PAFAH1B1: variants seen among roughly 807,000 people sequenced by gnomAD.
PAFAH1B1 encodes the protein platelet-activating factor acetylhydrolase IB subunit beta.
PAFAH1B1 carries 2 observed loss-of-function variants against 57.5 expected under a neutral mutation model. The observed-to-expected ratio is 0.03, with a 90% CI of 0.01 to 0.11. The LOEUF (loss-of-function observed/expected upper bound fraction) is 0.11, where lower values mean the gene tolerates loss of function less well. Ranked by LOEUF, PAFAH1B1 falls within the 10% of genes least tolerant of loss-of-function variation. The probability of loss-of-function intolerance (pLI) is 1.00; values close to 1 mark genes in which losing one functional copy is unlikely to be tolerated. For missense variants in PAFAH1B1, 257 were observed against 512.0 expected (o/e 0.50, Z 4.81); for synonymous variants, 152 against 169.6 (o/e 0.90, Z 0.81).
At chr17:2,680,374 C>G in intron 10 of PAFAH1B1, 54 bp downstream of exon 10, 1 of 1,492,034 alleles carries the variant, frequency 6.7e-7, no homozygotes, top group Non-Finnish European at 9.4e-7. Flanking sequence ...GCCAGACAAA[C>G]TGTGTTTTAC....
At chr17:2,603,777 G>C (rs2068172693) in intron 1 of PAFAH1B1, among the ~76,000 whole-genome samples, 1 of 145,820 alleles carries the variant, frequency 6.9e-6, no homozygotes, top group Non-Finnish European at 1.5e-5. Context: ...GTCTCTCTCT[G>C]TCGCCTAGAC....
chr17:2,667,343 A>G (rs1214713342), intron 5 of PAFAH1B1, 145 bp downstream of exon 5: 12 of 658,846 alleles, frequency 1.8e-5, no homozygotes. Context: ...CAAAAAAAAA[A>G]AGCAGACTTA....
intron 1 of PAFAH1B1, among the ~76,000 whole-genome samples, chr17:2,637,739 T>C (rs1159123943): frequency 6.6e-6 from 1 of 152,252 alleles, no homozygotes; most frequent in Non-Finnish European, 1.5e-5. Flanking sequence ...TTTTACCTTT[T>C]ATACCTTTTT....
intron 3 of PAFAH1B1, 102 bp downstream of exon 3, chr17:2,665,558 G>T: frequency 4.1e-6 from 3 of 724,062 alleles, no homozygotes; most frequent in Non-Finnish European, 4.9e-6. Context: ...TTGTTATTGT[G>T]GTCTACTTGG....
chr17:2,670,650 C>T (rs1438979644), intron 6 of PAFAH1B1, among the ~76,000 whole-genome samples: 1 of 152,094 alleles, frequency 6.6e-6, no homozygotes, highest in Non-Finnish European at 1.5e-5. Context: ...AGTTGGGAAA[C>T]TGAAGTCCAG....
chr17:2,625,763 C>T (rs1032606224), intron 1 of PAFAH1B1, among the ~76,000 whole-genome samples: 10 of 151,950 alleles, frequency 6.6e-5, no homozygotes, highest in African/African-American at 1.9e-4. Context: ...CCGTCTCTAG[C>T]GGAGGTTGGG....
At position 2,606,810 on chromosome 17, in the gene PAFAH1B1, C is replaced by CTTTTTTTTT. The variant is rs770011553; in HGVS notation, c.-191+12823_-191+12831dup. Among the ~76,000 whole-genome samples, 4 of 101,714 alleles carry CTTTTTTTTT rather than the reference C, an allele frequency of 3.9e-5. 1 individual carries two copies. Among genetic ancestry groups the CTTTTTTTTT allele is most frequent in the African/African-American group, 1.2e-4 (3 of 25,374 alleles). The allele number at this position is 101,714 out of a possible 152,430, so 66.7% of individuals were successfully genotyped here. ...ACATTTTGTCATATTTGCCTCAGAGCTTTTTTTTTTTTTTTTTTTTTTTTT... is the reference window on the plus strand; with the variant it reads ...ACATTTTGTCATATTTGCCTCAGAGCTTTTTTTTTTTTTTTTTTTTTTTTTTTTTTTTTT... On this transcript the variant is annotated intron_variant, in intron 1 of 10. Coordinates refer to ENST00000397195, the MANE Select transcript of PAFAH1B1 (RefSeq NM_000430.4).
rs527909457 is a variant in PAFAH1B1 at position 2,677,725 on chromosome 17, G to A, written c.1002+1119G>A. On this transcript the variant is annotated intron_variant, in intron 9 of 10. Transcript: ENST00000397195. ...AAAAATTAGCCGGGCATCCTGGCGG[G>A]TGCCTGTAGTCCCAGCTACTTGGGA... 2.6e-5 allele frequency among the ~76,000 whole-genome samples: 4 copies of A among 152,008 alleles called. No individual in the cohort carries two copies. The South Asian group carries it at 8.3e-4, about 32-fold the overall frequency.
chr17:2,644,928 T>G (rs889583198), intron 2 of PAFAH1B1, among the ~76,000 whole-genome samples: 2 of 152,160 alleles, frequency 1.3e-5, no homozygotes, highest in African/African-American at 4.8e-5. Context: ...ACTAAATTTA[T>G]AGAGAGCTTT....
At chr17:2,676,054 T>C (rs1157810382) in intron 8 of PAFAH1B1, among the ~76,000 whole-genome samples, 1 of 152,190 alleles carries the variant, frequency 6.6e-6, no homozygotes, top group African/African-American at 2.4e-5. Context: ...AGGTATGGTG[T>C]GAAAGACTTG....
Position 2,606,862 on chromosome 17 carries a change from C to T in PAFAH1B1, c.-191+12856C>T, listed in dbSNP as rs1010699720. Among the ~76,000 whole-genome samples, 3 of 144,136 alleles carry T rather than the reference C, an allele frequency of 2.1e-5. 1 individual carries two copies. The highest frequency in any genetic ancestry group is 4.5e-5 in the Non-Finnish European group (3 of 66,804). The allele number at this position is 144,136 out of a possible 152,430, so 94.6% of individuals were successfully genotyped here. ...TAAGACGGAGTCTCGCTCTGTCGCC[C>T]AGGCTGGGCTGGAGTGCAGTGGCGC... is the stretch of plus-strand genomic sequence containing the variant. On this transcript the variant is annotated intron_variant, in intron 1 of 10. Coordinates refer to ENST00000397195, the MANE Select transcript of PAFAH1B1 (RefSeq NM_000430.4).
At chr17:2,597,923 A>G (rs2068102432) in intron 1 of PAFAH1B1, among the ~76,000 whole-genome samples, 1 of 151,982 alleles carries the variant, frequency 6.6e-6, no homozygotes, top group Non-Finnish European at 1.5e-5. Flanking sequence ...TGAATAAGTC[A>G]TGGATGCTAT....
chr17:2,632,832 C>G (rs899366412), intron 1 of PAFAH1B1, among the ~76,000 whole-genome samples: 1 of 152,268 alleles, frequency 6.6e-6, no homozygotes, highest in African/African-American at 2.4e-5. Flanking sequence ...TGAGCAACCT[C>G]GGATACCAAA....
At chr17:2,610,448 A>AT (rs1480106308) in intron 1 of PAFAH1B1, among the ~76,000 whole-genome samples, 1 of 152,148 alleles carries the variant, frequency 6.6e-6, no homozygotes, top group Non-Finnish European at 1.5e-5. Context: ...TTGGTAGTTT[A>AT]TTTTTTTACA....
At position 2,611,095 on chromosome 17, in the gene PAFAH1B1, TTGTC is replaced by T. The variant is rs1234405263; in HGVS notation, c.-191+17095_-191+17098del. 3.3e-5 allele frequency among the ~76,000 whole-genome samples: 5 copies of T among 152,354 alleles called. No homozygotes were observed. In the South Asian group the frequency reaches 1.0e-3, roughly 32 times the overall value. ...AAATAATTTCAAATCTTCTTCATCC[TTGTC>T]TGTCTTCTTCTCTGTAATTTGAAGG... is the stretch of plus-strand genomic sequence containing the variant. On this transcript the variant is annotated intron_variant, in intron 1 of 10. Transcript: ENST00000397195.
chr17:2,661,303 T>TAA (rs1452030117), intron 2 of PAFAH1B1, among the ~76,000 whole-genome samples: 1 of 152,244 alleles, frequency 6.6e-6, no homozygotes, highest in East Asian at 1.9e-4. Flanking sequence ...GGGTTTTACA[T>TAA]GTAAGTCTTT....
At chr17:2,624,055 A>G (rs1038679637) in intron 1 of PAFAH1B1, among the ~76,000 whole-genome samples, 1 of 152,172 alleles carries the variant, frequency 6.6e-6, no homozygotes, top group Non-Finnish European at 1.5e-5. Flanking sequence ...CTCAAGTTCA[A>G]AGTTCCACAA....
chr17:2,657,983 T>C (rs1300411454), intron 2 of PAFAH1B1, among the ~76,000 whole-genome samples: 1 of 152,248 alleles, frequency 6.6e-6, no homozygotes, highest in Non-Finnish European at 1.5e-5. Context: ...ATCTTTCCTA[T>C]TGTACAACCT....
At chr17:2,608,240 A>G (rs900158768) in intron 1 of PAFAH1B1, among the ~76,000 whole-genome samples, 7 of 151,940 alleles carry the variant, frequency 4.6e-5, no homozygotes, top group Non-Finnish European at 1.0e-4. Flanking sequence ...ACGCACCACC[A>G]TGCTCGGCTA....
Sources: gnomAD v4.1 joint callset for allele counts (sites outside exome capture counted in the v4.1 genomes callset) on GRCh38, gnomAD v4.1.1 for gene constraint, MANE v1.5 for transcripts, NCBI Gene and HGNC (gene_info 2026-07-23, HGNC 2026-07-21) for gene names.